OXSR1: variants seen among roughly 807,000 people sequenced by gnomAD.
The protein encoded by OXSR1 is serine/threonine-protein kinase OSR1.
Under a neutral mutation model 79.8 loss-of-function variants are expected in OXSR1, and 24 were observed. The ratio of observed to expected loss-of-function variants is 0.30; its 90% CI spans 0.22 to 0.42. The LOEUF (loss-of-function observed/expected upper bound fraction) is 0.42. OXSR1 is among the 10% of genes least tolerant of loss of function. The probability of loss-of-function intolerance (pLI) is 1.00; values close to 1 mark genes in which losing one functional copy is unlikely to be tolerated. For missense variants in OXSR1, 430 were observed against 618.4 expected (o/e 0.70, Z 3.23); for synonymous variants, 226 against 209.2 (o/e 1.08, Z -0.69).
chr3:38,172,957 G>A (rs1701610398), intron 1 of OXSR1, among the ~76,000 whole-genome samples: 1 of 152,210 alleles, frequency 6.6e-6, no homozygotes. Flanking sequence ...CCTTCTCATA[G>A]TTGGAAGATG....
intron 4 of OXSR1, among the ~76,000 whole-genome samples, chr3:38,204,078 C>T (rs997467700): frequency 6.6e-6 from 1 of 152,190 alleles, no homozygotes; most frequent in Non-Finnish European, 1.5e-5. Flanking sequence ...CTTCCCCCCC[C>T]TTTCCACAAG....
At chr3:38,245,504 T>C (rs929128077) in intron 12 of OXSR1, among the ~76,000 whole-genome samples, 1 of 152,226 alleles carries the variant, frequency 6.6e-6, no homozygotes, top group Non-Finnish European at 1.5e-5. Context: ...TGGAAAAATA[T>C]AGCTTCTGTA....
intron 1 of OXSR1, among the ~76,000 whole-genome samples, chr3:38,174,255 A>G (rs1701637235): frequency 6.6e-6 from 1 of 152,142 alleles, no homozygotes; most frequent in Non-Finnish European, 1.5e-5. Flanking sequence ...AGGGTTTTGA[A>G]CAGAGATTTA....
At chr3:38,206,056 T>A (rs542482596) in intron 4 of OXSR1, among the ~76,000 whole-genome samples, 1 of 152,352 alleles carries the variant, frequency 6.6e-6, no homozygotes, top group South Asian at 2.1e-4. Flanking sequence ...CTAAAGAAAT[T>A]CCTAAAGTAA....
intron 2 of OXSR1, among the ~76,000 whole-genome samples, chr3:38,185,831 G>C (rs1701874658): frequency 6.6e-6 from 1 of 151,224 alleles, no homozygotes; most frequent in Non-Finnish European, 1.5e-5. Flanking sequence ...TGTTATTGCA[G>C]CTACTTGGGA....
intron 11 of OXSR1, among the ~76,000 whole-genome samples, chr3:38,239,825 T>G (rs931055451): frequency 7.2e-5 from 11 of 152,176 alleles, no homozygotes; most frequent in African/African-American, 2.7e-4. Context: ...ACTCAGGCAG[T>G]TCCTTGGATT....
At chr3:38,171,036 A>T (rs769381786) in intron 1 of OXSR1, among the ~76,000 whole-genome samples, 18 of 152,180 alleles carry the variant, frequency 1.2e-4, no homozygotes, top group Admixed American at 2.6e-4. Context: ...TTAGCCTCCT[A>T]AAGTGTTGGG....
At chr3:38,242,188 T>C (rs1202744086) in intron 11 of OXSR1, among the ~76,000 whole-genome samples, 1 of 152,186 alleles carries the variant, frequency 6.6e-6, no homozygotes, top group Non-Finnish European at 1.5e-5. Flanking sequence ...TTATTTTTGC[T>C]AGTGGTCCAT....
intron 1 of OXSR1, among the ~76,000 whole-genome samples, chr3:38,181,874 G>A (rs929798978): frequency 6.6e-6 from 1 of 150,706 alleles, no homozygotes; most frequent in Non-Finnish European, 1.5e-5. Flanking sequence ...TATTATGTTA[G>A]GAGACTTTTT....
intron 1 of OXSR1, among the ~76,000 whole-genome samples, chr3:38,177,841 G>A (rs2125804678): frequency 6.6e-6 from 1 of 152,098 alleles, no homozygotes; most frequent in East Asian, 1.9e-4. Flanking sequence ...TCCTGCCTCA[G>A]CTTCCCAAAG....
chr3:38,194,630 G>C (rs1281179535), intron 3 of OXSR1, among the ~76,000 whole-genome samples: 1 of 152,176 alleles, frequency 6.6e-6, no homozygotes, highest in Non-Finnish European at 1.5e-5. Flanking sequence ...ATGTGATCCA[G>C]CTAGAGAGAA....
chr3:38,246,018 C>A, intron 12 of OXSR1, 57 bp from the exon 13 acceptor site: 5 of 1,541,630 alleles, frequency 3.2e-6, no homozygotes, highest in Non-Finnish European at 1.8e-6. Context: ...TTGCTGTCAG[C>A]AGACCTGCCT....
At chr3:38,217,165 G>A (rs1269947064) in intron 5 of OXSR1, among the ~76,000 whole-genome samples, 4 of 152,180 alleles carry the variant, frequency 2.6e-5, no homozygotes, top group African/African-American at 4.8e-5. Context: ...TGTAGTAAAA[G>A]ATGTTCAAGC....
At chr3:38,243,382 G>A (rs1480109219) in intron 12 of OXSR1, among the ~76,000 whole-genome samples, 1 of 152,146 alleles carries the variant, frequency 6.6e-6, no homozygotes, top group East Asian at 1.9e-4. Context: ...AATGCCACCT[G>A]TCCTTTTTGA....
chr3:38,237,712 A>G (rs1257374019), intron 11 of OXSR1, among the ~76,000 whole-genome samples: 1 of 152,178 alleles, frequency 6.6e-6, no homozygotes, highest in Non-Finnish European at 1.5e-5. Context: ...TGCAGAGCTA[A>G]GTTTGTAAAG....
intron 4 of OXSR1, among the ~76,000 whole-genome samples, chr3:38,212,231 T>C (rs571906067): frequency 9.2e-5 from 14 of 152,334 alleles, no homozygotes; most frequent in South Asian, 2.1e-4. Flanking sequence ...AGTTGTTTCA[T>C]TGGGAAGCAG....
At chr3:38,190,469 G>A (rs980599566) in intron 2 of OXSR1, among the ~76,000 whole-genome samples, 1 of 152,104 alleles carries the variant, frequency 6.6e-6, no homozygotes, top group Admixed American at 6.5e-5. Context: ...GAGGCCTCCT[G>A]GAGTGTTGTG....
chr3:38,207,868 C>T (rs1382801654), intron 4 of OXSR1, among the ~76,000 whole-genome samples: 1 of 145,994 alleles, frequency 6.8e-6, no homozygotes, highest in Non-Finnish European at 1.5e-5. Context: ...TTGCTTTCTT[C>T]TCCTTCCCTC....
chr3:38,246,925 C>T (rs1183974391), intron 13 of OXSR1, among the ~76,000 whole-genome samples: 6 of 151,574 alleles, frequency 4.0e-5, no homozygotes, highest in Admixed American at 6.6e-5. Flanking sequence ...TCTTGTCTAA[C>T]GTTTTAGATG....
Sources: gnomAD v4.1 joint callset for allele counts (sites outside exome capture counted in the v4.1 genomes callset) on GRCh38, gnomAD v4.1.1 for gene constraint, MANE v1.5 for transcripts, NCBI Gene and HGNC (gene_info 2026-07-23, HGNC 2026-07-21) for gene names.